The following CNTN3 variants were observed in gnomAD, a reference collection of about 807,000 sequenced individuals.
CNTN3 encodes contactin 3, also known as contactin-3.
CNTN3 carries 60 observed loss-of-function variants against 119.1 expected under a neutral mutation model. That is an observed-to-expected ratio of 0.50 (90% CI 0.41 to 0.62). CNTN3 has a LOEUF of 0.62. Among genes scored for constraint, CNTN3 ranks in the 20% least tolerant of loss-of-function variants. The pLI is 0.00. For missense variants in CNTN3, 1,101 were observed against 1,242.4 expected, an observed-to-expected ratio of 0.89 and a Z score of 1.71; for synonymous variants, 450 against 438.7, an observed-to-expected ratio of 1.03 and a Z score of -0.32.
intron 5 of CNTN3, among the ~76,000 whole-genome samples, chr3:74,398,018 G>A (rs1038237644): frequency 6.6e-6 from 1 of 152,196 alleles, no homozygotes; most frequent in African/African-American, 2.4e-5. Flanking sequence ...GATAAGCAAA[G>A]AAAGTGGTTT....
intron 1 of CNTN3, among the ~76,000 whole-genome samples, chr3:74,576,155 C>G (rs1704412916): frequency 6.6e-6 from 1 of 152,144 alleles, no homozygotes; most frequent in East Asian, 1.9e-4. Flanking sequence ...TCTTTCCTCT[C>G]TTCCATTTTC....
At chr3:74,535,344 T>A (rs961821341) in intron 1 of CNTN3, among the ~76,000 whole-genome samples, 8 of 152,014 alleles carry the variant, frequency 5.3e-5, no homozygotes, top group Non-Finnish European at 1.0e-4. Context: ...CAGCTTGAAT[T>A]TACACCCACA....
chr3:74,444,141 A>G (rs1361563904), intron 4 of CNTN3, among the ~76,000 whole-genome samples: 1 of 152,120 alleles, frequency 6.6e-6, no homozygotes, highest in African/African-American at 2.4e-5. Context: ...ATGTCTTCTT[A>G]TAATGACACC....
chr3:74,395,682 T>G (rs1006547830), intron 5 of CNTN3, among the ~76,000 whole-genome samples: 8 of 152,166 alleles, frequency 5.3e-5, no homozygotes, highest in African/African-American at 1.9e-4. Context: ...TAAAAAGTAT[T>G]TAGCAGAGAG....
At chr3:74,493,600 C>T (rs1487151592) in intron 3 of CNTN3, among the ~76,000 whole-genome samples, 3 of 152,002 alleles carry the variant, frequency 2.0e-5, no homozygotes, top group Non-Finnish European at 4.4e-5. Context: ...ACAGGCAATA[C>T]TTTATTTGGG....
intron 4 of CNTN3, among the ~76,000 whole-genome samples, chr3:74,455,262 A>G (rs1485182756): frequency 6.6e-6 from 1 of 151,300 alleles, no homozygotes; most frequent in African/African-American, 2.4e-5. Context: ...TTCATCTTCC[A>G]TCGCTGATAC....
At chr3:74,521,222 TAA>T (rs59140298) in intron 1 of CNTN3, 30 bp from the exon 2 acceptor site, 14,825 of 311,548 alleles carry the variant, frequency 0.048, 128 homozygotes, top group African/African-American at 0.09. Flanking sequence ...AGAAGTTCGT[TAA>T]AAAAAAAAAA....
intron 5 of CNTN3, among the ~76,000 whole-genome samples, chr3:74,394,493 C>T (rs1391896534): frequency 1.3e-5 from 2 of 152,060 alleles, no homozygotes; most frequent in Non-Finnish European, 2.9e-5. Context: ...AGATGACATC[C>T]AATCTCAATT....
chr3:74,573,797 T>C (rs745537771), intron 1 of CNTN3, among the ~76,000 whole-genome samples: 14 of 149,142 alleles, frequency 9.4e-5, no homozygotes, highest in Non-Finnish European at 1.9e-4. Flanking sequence ...AAATAACAAG[T>C]TGGTAAGAAG....
intron 4 of CNTN3, among the ~76,000 whole-genome samples, chr3:74,449,678 C>T (rs2106944841): frequency 6.6e-6 from 1 of 152,188 alleles, no homozygotes; most frequent in Admixed American, 6.6e-5. Flanking sequence ...TTCTGATGCA[C>T]CTCAGCTTTC....
At chr3:74,439,345 A>G (rs1373959909) in intron 4 of CNTN3, among the ~76,000 whole-genome samples, 1 of 152,084 alleles carries the variant, frequency 6.6e-6, no homozygotes, top group Non-Finnish European at 1.5e-5. Flanking sequence ...CACCTCTACT[A>G]AAAATACAAA....
chr3:74,323,591 G>T (rs905473828), intron 13 of CNTN3, among the ~76,000 whole-genome samples: 1 of 152,130 alleles, frequency 6.6e-6, no homozygotes, highest in African/African-American at 2.4e-5. Flanking sequence ...TGGATACATT[G>T]CATGGTATGG....
chr3:74,410,033 C>A (rs1433543014), intron 5 of CNTN3, among the ~76,000 whole-genome samples: 1 of 152,134 alleles, frequency 6.6e-6, no homozygotes, highest in Non-Finnish European at 1.5e-5. Flanking sequence ...TGAATCAATG[C>A]ATTTTGGAAA....
At chr3:74,535,100 G>C (rs888185855) in intron 1 of CNTN3, among the ~76,000 whole-genome samples, 2 of 152,066 alleles carry the variant, frequency 1.3e-5, no homozygotes, top group Non-Finnish European at 2.9e-5. Flanking sequence ...ATTTTGAAGA[G>C]ACAAACGCTG....
intron 2 of CNTN3, 102 bp from the exon 3 acceptor site, chr3:74,499,887 C>G (rs1246330838): frequency 8.5e-7 from 1 of 1,172,464 alleles, no homozygotes; most frequent in African/African-American, 1.6e-5. Flanking sequence ...AATTCTAGTA[C>G]TGCTCCATTT....
At chr3:74,371,112 T>C (rs1448403709) in intron 6 of CNTN3, 84 bp downstream of exon 6, 5 of 923,168 alleles carry the variant, frequency 5.4e-6, no homozygotes, top group Non-Finnish European at 8.6e-6. Context: ...CTTCTAGATG[T>C]ACTTTTTACA....
At chr3:74,453,037 A>G (rs1702191369) in intron 4 of CNTN3, among the ~76,000 whole-genome samples, 1 of 151,690 alleles carries the variant, frequency 6.6e-6, no homozygotes, top group Non-Finnish European at 1.5e-5. Flanking sequence ...TCATAAAATG[A>G]GTTAGGGAGG....
At chr3:74,282,111 G>A (rs1007432069) in intron 20 of CNTN3, among the ~76,000 whole-genome samples, 2 of 152,026 alleles carry the variant, frequency 1.3e-5, no homozygotes, top group African/African-American at 4.8e-5. Flanking sequence ...TGCTCTCTTT[G>A]GTGGCAAATG....
At chr3:74,488,404 C>T (rs1367353728) in intron 3 of CNTN3, among the ~76,000 whole-genome samples, 2 of 152,172 alleles carry the variant, frequency 1.3e-5, no homozygotes, top group Non-Finnish European at 2.9e-5. Flanking sequence ...TGAGCCACTG[C>T]ACCCGGCCAT....
Sources: gnomAD v4.1 joint callset for allele counts (sites outside exome capture counted in the v4.1 genomes callset) on GRCh38, gnomAD v4.1.1 for gene constraint, MANE v1.5 for transcripts, NCBI Gene and HGNC (gene_info 2026-07-23, HGNC 2026-07-21) for gene names.